XRN2: variants seen among roughly 807,000 people sequenced by gnomAD.
XRN2 encodes 5'-3' exoribonuclease 2.
XRN2 carries 44 observed loss-of-function variants against 138.5 expected under a neutral mutation model. The ratio of observed to expected loss-of-function variants is 0.32; its 90% CI spans 0.25 to 0.41. The LOEUF is 0.41. XRN2 is among the 10% of genes least tolerant of loss of function. XRN2 has a pLI of 1.00. For missense variants in XRN2, 937 were observed against 1,169.3 expected (o/e 0.80, Z 2.90); for synonymous variants, 354 against 369.4 (o/e 0.96, Z 0.48).
At chr20:21,387,817 C>T (rs1263312775) in intron 29 of XRN2, among the ~76,000 whole-genome samples, 1 of 152,182 alleles carries the variant, frequency 6.6e-6, no homozygotes, top group Non-Finnish European at 1.5e-5. Flanking sequence ...AGGCCTTTTG[C>T]AGTGCTTCAC....
At chr20:21,382,120 T>A (rs6047417) in intron 28 of XRN2, 63 bp downstream of exon 28, 2 of 1,450,864 alleles carry the variant, frequency 1.4e-6, no homozygotes, top group East Asian at 2.3e-5. Flanking sequence ...GGGTTTATGG[T>A]TTTTATGGAA....
chr20:21,368,139 A>T (rs2038723476), intron 26 of XRN2, among the ~76,000 whole-genome samples: 1 of 152,202 alleles, frequency 6.6e-6, no homozygotes, highest in Non-Finnish European at 1.5e-5. Flanking sequence ...ATACAGTGAT[A>T]GCAAGAACAT....
At chr20:21,342,889 C>T (rs761668252) in intron 15 of XRN2, among the ~76,000 whole-genome samples, 16 of 152,052 alleles carry the variant, frequency 1.1e-4, no homozygotes, top group Non-Finnish European at 1.8e-4. Flanking sequence ...ATACCTGCCT[C>T]GTTTTCCAAG....
intron 14 of XRN2, 145 bp downstream of exon 14, chr20:21,339,233 G>T (rs1432299216): frequency 4.0e-6 from 3 of 745,282 alleles, no homozygotes; most frequent in Non-Finnish European, 6.5e-6. Flanking sequence ...TTTACCTGTA[G>T]AAAGAACACT....
intron 1 of XRN2, among the ~76,000 whole-genome samples, chr20:21,325,523 G>A (rs2038113312): frequency 6.6e-6 from 1 of 152,186 alleles, no homozygotes; most frequent in Non-Finnish European, 1.5e-5. Flanking sequence ...TTTGATTTGA[G>A]TGTAGACCCT....
chr20:21,359,249 AG>A (rs2122288346), intron 24 of XRN2, among the ~76,000 whole-genome samples: 1 of 152,220 alleles, frequency 6.6e-6, no homozygotes, highest in South Asian at 2.1e-4. Flanking sequence ...TTTATAAAAC[AG>A]GCCGGGCGCG....
chr20:21,354,217 CTAAGTTATT>C (rs1251582059), intron 20 of XRN2, among the ~76,000 whole-genome samples: 5 of 152,096 alleles, frequency 3.3e-5, no homozygotes, highest in Non-Finnish European at 7.4e-5. Context: ...CCCCTGCCCC[CTAAGTTATT>C]TAAGCAAGTC....
chr20:21,327,922 G>C (rs1264126047), intron 3 of XRN2, among the ~76,000 whole-genome samples: 1 of 152,010 alleles, frequency 6.6e-6, no homozygotes, highest in Admixed American at 6.6e-5. Context: ...CTTTATTTGG[G>C]CTTTTCCACT....
intron 27 of XRN2, among the ~76,000 whole-genome samples, chr20:21,377,051 G>A (rs2038830337): frequency 1.3e-5 from 2 of 152,104 alleles, no homozygotes; most frequent in African/African-American, 4.8e-5. Flanking sequence ...CTTGGGTTAA[G>A]AGTTTGGACT....
In XRN2 at chr20:21,382,056, A is replaced by G; in HGVS notation, c.2647A>G (p.Arg883Gly). The change falls in exon 28 of 30, where the codon AGA becomes GGA. Residue 883 changes from arginine to glycine, a missense_variant and splice_region_variant. Physicochemically the swap from Arg to Gly is moderately radical, Grantham distance 125. Transcript: ENST00000377191. ...PPLFQQQRFD[R>G]GVGAEPLLPW... Reference sequence around the variant, plus strand: ...CCTTTTCCAGCAGCAAAGGTTTGACAGGTAATATTAAAAGTAGACATGACT... The same window carrying G: ...CCTTTTCCAGCAGCAAAGGTTTGACGGGTAATATTAAAAGTAGACATGACT... The G allele has an allele frequency of 6.7e-7, 1 of 1,494,070 alleles. No homozygotes were observed. The highest frequency in any genetic ancestry group is 8.8e-7 in the Non-Finnish European group (1 of 1,132,610). The allele number at this position is 1,494,070 out of a possible 1,614,324, so 92.6% of individuals were successfully genotyped here. A position where few individuals can be genotyped will look rare whatever the true frequency, so the allele number is the denominator to read the frequency against.
intron 28 of XRN2, among the ~76,000 whole-genome samples, chr20:21,383,475 A>AT (rs1286082709): frequency 1.3e-5 from 2 of 152,140 alleles, no homozygotes; most frequent in African/African-American, 4.8e-5. Context: ...TTATGTTTAC[A>AT]TTTTTGCAAA....
Position 21,349,443 on chromosome 20 carries a change from A to G in XRN2, c.1918A>G (p.Lys640Glu), listed in dbSNP as rs1175810604. The G allele has an allele frequency of 6.2e-7, 1 of 1,607,432 alleles. No homozygotes were observed. Among genetic ancestry groups the G allele is most frequent in the Non-Finnish European group, 8.5e-7 (1 of 1,174,394 alleles). The change falls in exon 20 of 30, where the codon AAG becomes GAG. Residue 640 changes from lysine (K) to glutamate (E), a missense_variant. Transcript: ENST00000377191. Reference protein sequence around the residue: ...PEDFAIDLNGKKYAWQGVALL... With the variant: ...PEDFAIDLNGEKYAWQGVALL... Reference sequence around the variant, plus strand: ...AGATTTTGCTATTGATTTGAATGGGAAGAAATATGCATGGCAAGGTAAAAT... The same window carrying G: ...AGATTTTGCTATTGATTTGAATGGGGAGAAATATGCATGGCAAGGTAAAAT...
At chr20:21,321,428 A>G (rs1458992680) in intron 1 of XRN2, among the ~76,000 whole-genome samples, 1 of 151,662 alleles carries the variant, frequency 6.6e-6, no homozygotes, top group Non-Finnish European at 1.5e-5. Flanking sequence ...TCCTGGGCTC[A>G]TGCAGACCTC....
rs1252563073 is a variant in XRN2 at position 21,365,509 on chromosome 20, T to C, written c.2324+20T>C. On this transcript the variant is annotated intron_variant, in intron 25 of 29. Coordinates refer to ENST00000377191, the MANE Select transcript of XRN2 (RefSeq NM_012255.5). ...AGCAAGGTAACAACAGTAAATTACC[T>C]AGATTTATTTTGTACAAATGGTTTT... 6.2e-7 allele frequency: 1 copy of C among 1,613,804 alleles called. No individual in the cohort carries two copies. The highest frequency in any genetic ancestry group is 1.3e-5 in the African/African-American group (1 of 74,998).
At chr20:21,346,669 G>T in intron 17 of XRN2, 119 bp downstream of exon 17, 10 of 1,263,182 alleles carry the variant, frequency 7.9e-6, no homozygotes, top group Non-Finnish European at 9.8e-6. Context: ...ACCTGGGCGG[G>T]AGGGCAATGG....
intron 24 of XRN2, among the ~76,000 whole-genome samples, chr20:21,361,150 A>G (rs1168829375): frequency 6.6e-6 from 1 of 152,230 alleles, no homozygotes; most frequent in African/African-American, 2.4e-5. Context: ...TTCCTTTTCT[A>G]TTGAGACTTT....
chr20:21,371,147 T>A (rs2038757087), intron 27 of XRN2, among the ~76,000 whole-genome samples: 2 of 152,214 alleles, frequency 1.3e-5, no homozygotes, highest in Admixed American at 6.5e-5. Context: ...CGTGCCAGGT[T>A]AAAATGGATA....
rs1320742893 is a variant in XRN2, at chr20:21,306,737, C to T, written c.75+3264C>T. 2.7e-5 allele frequency among the ~76,000 whole-genome samples: 2 copies of T among 75,124 alleles called. 1 individual carries two copies. The highest frequency in any genetic ancestry group is 6.2e-5 in the Non-Finnish European group (2 of 32,142). The allele number at this position is 75,124 out of a possible 152,430, so 49.3% of individuals were successfully genotyped here. On this transcript the variant is annotated intron_variant, in intron 1 of 29. Transcript: ENST00000377191. ...AATTACTATGTTTATTGGCCGGGTG[C>T]GGTGGCTCACGACTGTAATCCCAGC...
chr20:21,311,432 A>G (rs2037879481), intron 1 of XRN2, among the ~76,000 whole-genome samples: 1 of 152,188 alleles, frequency 6.6e-6, no homozygotes, highest in Admixed American at 6.5e-5. Context: ...TTAAAGCTGA[A>G]TGATACTCCC....
Sources: gnomAD v4.1 joint callset for allele counts (sites outside exome capture counted in the v4.1 genomes callset) on GRCh38, gnomAD v4.1.1 for gene constraint, MANE v1.5 for transcripts, NCBI Gene and HGNC (gene_info 2026-07-23, HGNC 2026-07-21) for gene names.